Variants in EVC observed in about 807,000 individuals in gnomAD.
EVC encodes evC complex member EVC.
In EVC, 116 loss-of-function variants were observed where a neutral mutation model predicts 118.9. That is an observed-to-expected ratio of 0.98 (90% CI 0.84 to 1.14). The LOEUF is 1.14. Ranked by LOEUF, EVC falls within the 50% of genes most tolerant of loss-of-function variation. EVC has a pLI of 0.00. For missense variants in EVC, 1,401 were observed against 1,246.4 expected, an observed-to-expected ratio of 1.12 and a Z score of -1.87; for synonymous variants, 619 against 534.7, an observed-to-expected ratio of 1.16 and a Z score of -2.18.
chr4:5,734,485 A>C (rs945090341), intron 5 of EVC, among the ~76,000 whole-genome samples: 1 of 152,064 alleles, frequency 6.6e-6, no homozygotes, highest in Non-Finnish European at 1.5e-5. Flanking sequence ...ACCAAAAACA[A>C]AAACAAACAA....
At chr4:5,825,914 G>A in the EVC span, 2,465 of 506,172 alleles carry the variant, frequency 4.9e-3, 19 homozygotes, top group Non-Finnish European at 6.8e-3. The surrounding 1 kb of genome is among the most constrained non-coding windows in gnomAD (Gnocchi z 4.4). Context: ...CACACACCAC[G>A]CACACGCACT....
At chr4:5,721,814 C>T in intron 2 of EVC, among the ~76,000 whole-genome samples, 1 of 152,156 alleles carries the variant, frequency 6.6e-6, no homozygotes, top group East Asian at 1.9e-4. Flanking sequence ...TTGCCATGAG[C>T]TGAGATTGTG....
chr4:5,748,815 A>G (rs1729901816), intron 8 of EVC, among the ~76,000 whole-genome samples: 1 of 151,662 alleles, frequency 6.6e-6, no homozygotes, highest in South Asian at 2.1e-4. Flanking sequence ...CGTCTATCCA[A>G]TGAGTGAAGG....
intron 16 of EVC, 26 bp downstream of exon 16, chr4:5,802,120 C>T (rs760325509): frequency 2.5e-6 from 4 of 1,613,998 alleles, no homozygotes; most frequent in Non-Finnish European, 3.4e-6. Context: ...TCAGGGAAGC[C>T]CCAGAAGAGA....
At position 5,746,021 on chromosome 4, in the gene EVC, GGA is replaced by G. The variant is rs1729310148; in HGVS notation, c.939+681_939+682del. The stretch of plus-strand genomic sequence containing the variant: ...CTTAGGAAAGCCTCCGTAGAAGAAG[GGA>G]CCATGGAGAGGCTGGCCGGGAGAAG... On this transcript the variant is annotated intron_variant, in intron 7 of 20. Coordinates refer to ENST00000264956, the MANE Select transcript of EVC (RefSeq NM_153717.3). This position sits in a 1 kb window ranked among gnomAD's most constrained non-coding sequence, Gnocchi z 5.8. 6.6e-6 allele frequency among the ~76,000 whole-genome samples: 1 copy of G among 152,300 alleles called. No homozygotes were observed. The highest frequency in any genetic ancestry group is 1.9e-4 in the East Asian group (1 of 5,174).
At chr4:5,722,267 T>C (rs78434098) in intron 2 of EVC, among the ~76,000 whole-genome samples, 28,474 of 152,160 alleles carry the variant, frequency 0.19, 3,048 homozygotes, top group South Asian at 0.31. Flanking sequence ...GGGACCTAAA[T>C]ATTTCTACCC....
At chr4:5,821,011 C>A in the EVC span, 12,707 of 152,340 alleles carry the variant, frequency 0.083, 733 homozygotes, top group African/African-American at 0.16. This position sits in a 1 kb window ranked among gnomAD's most constrained non-coding sequence, Gnocchi z 4.4. Flanking sequence ...ATGGGGAGAC[C>A]TCTTTCTGAG....
chr4:5,740,328 G>A (rs1456171281), intron 5 of EVC, among the ~76,000 whole-genome samples: 1 of 151,922 alleles, frequency 6.6e-6, no homozygotes, highest in African/African-American at 2.4e-5. Flanking sequence ...AAAATTAGCC[G>A]GGTGTGGTGG....
chr4:5,740,923 A>G (rs1455458050), intron 5 of EVC, among the ~76,000 whole-genome samples: 1 of 152,250 alleles, frequency 6.6e-6, no homozygotes, highest in Non-Finnish European at 1.5e-5. Context: ...GCTAAAATAA[A>G]AAATAGTGAC....
At chr4:5,739,239 A>G (rs1728155383) in intron 5 of EVC, among the ~76,000 whole-genome samples, 1 of 152,220 alleles carries the variant, frequency 6.6e-6, no homozygotes, top group African/African-American at 2.4e-5. Flanking sequence ...GTAGACTCGA[A>G]ACTAACATCT....
rs756340487 is a variant in EVC, at chr4:5,741,784, A to G, written c.771A>G (p.Leu257=). 2 of 1,544,990 alleles carry G rather than the reference A, an allele frequency of 1.3e-6. No individual in the cohort carries two copies. The highest frequency in any genetic ancestry group is 1.4e-5 in the African/African-American group (1 of 73,836). The part of the protein sequence containing the change: ...LLPKKKSDDE[L]YQKILSKQEK... Reference sequence around the variant, plus strand: ...CTAAAAAGAAGTCAGATGATGAACTATACCAGAAGATCCTTTCAAAACAAG... The same window carrying G: ...CTAAAAAGAAGTCAGATGATGAACTGTACCAGAAGATCCTTTCAAAACAAG... Residue 257 remains leucine (L), a synonymous_variant, in exon 6 of 21, where the codon CTA becomes CTG. Coordinates refer to ENST00000264956, the MANE Select transcript of EVC (RefSeq NM_153717.3).
rs1716866007 is a variant in EVC, at chr4:5,811,210, T to G, written c.*173T>G. ...TGTGCCCTAAAAGCATAAATGAGTA[T>G]CACCTGAGAAAATTAGGCATTCCCG... On this transcript the variant is annotated 3_prime_UTR_variant, in exon 21 of 21. Coordinates refer to ENST00000264956, the MANE Select transcript of EVC (RefSeq NM_153717.3). The G allele has an allele frequency of 1.6e-6, 1 of 619,796 alleles. No individual in the cohort carries two copies. The highest frequency in any genetic ancestry group is 1.8e-5 in the African/African-American group (1 of 54,236). The allele number at this position is 619,796 out of a possible 1,614,324, so 38.4% of individuals were successfully genotyped here. A position where few individuals can be genotyped will look rare whatever the true frequency, so the allele number is the denominator to read the frequency against.
At position 5,797,030 on chromosome 4, in the gene EVC, G is replaced by A. The variant is rs535632933; in HGVS notation, c.1895G>A (p.Arg632Gln). ...ACCTGCTTTCCTCAAAGGTCCACGC[G>A]GTGTGTCCTGCAGGGGCATGACCTG... is the stretch of plus-strand genomic sequence containing the variant. ...RLGGLTEEST[R>Q]CVLQGHDLLL... The change falls in exon 14 of 21, where the codon CGG (arginine) becomes CAG (glutamine). Residue 632 changes from arginine (R) to glutamine (Q), a missense_variant. By Grantham distance (43) the Arg-to-Gln change is conservative. Coordinates refer to ENST00000264956, the MANE Select transcript of EVC (RefSeq NM_153717.3). 24 of 1,612,658 alleles carry A rather than the reference G, an allele frequency of 1.5e-5. No homozygotes were observed. Among genetic ancestry groups the A allele is most frequent in the East Asian group, 2.2e-5 (1 of 44,842 alleles).
At position 5,808,428 on chromosome 4, in the gene EVC, C is replaced by T. The variant is rs1049546667; in HGVS notation, c.2688+101C>T. The T allele has an allele frequency of 9.0e-6, 14 of 1,555,790 alleles. No homozygotes were observed. In the South Asian group the frequency reaches 9.2e-5, roughly 10 times the overall value. On this transcript the variant is annotated intron_variant, in intron 18 of 20. Coordinates refer to ENST00000264956, the MANE Select transcript of EVC (RefSeq NM_153717.3). The stretch of plus-strand genomic sequence containing the variant: ...CCACACGTCAGCCATGGGGACTGCA[C>T]TTCCCTGCCTGTGGCATCGTTGACC...
At chr4:5,717,791 A>T (rs1724225211) in intron 1 of EVC, among the ~76,000 whole-genome samples, 1 of 152,076 alleles carries the variant, frequency 6.6e-6, no homozygotes, top group Non-Finnish European at 1.5e-5. Flanking sequence ...TGTCCAAGAG[A>T]CTTTGTCTCC....
intron 5 of EVC, 108 bp from the exon 6 acceptor site, chr4:5,741,608 A>G (rs570436643): frequency 1.5e-6 from 1 of 665,642 alleles, no homozygotes; most frequent in Non-Finnish European, 2.7e-6. Context: ...AGAAGAAAAG[A>G]AGGAGAGAGG....
chr4:5,804,962 G>A (rs894419446), intron 17 of EVC, 121 bp downstream of exon 17: 15 of 857,626 alleles, frequency 1.7e-5, no homozygotes, highest in South Asian at 5.7e-5. Context: ...GGGGGCCATC[G>A]GCCTTCCTCA....
chr4:5,804,686 T>C, intron 16 of EVC, 44 bp from the exon 17 acceptor site: 3 of 1,573,964 alleles, frequency 1.9e-6, no homozygotes, highest in Non-Finnish European at 2.6e-6. Flanking sequence ...GCACAGTGGA[T>C]CCTCCAAACA....
rs548044896 is a variant in EVC at position 5,765,114 on chromosome 4, G to A, written c.1563+8752G>A. 1.3e-4 allele frequency among the ~76,000 whole-genome samples: 15 copies of A among 116,526 alleles called. 3 individuals are homozygous for A. Among genetic ancestry groups the A allele is most frequent in the Middle Eastern group, 4.0e-3 (1 of 250 alleles). 76.4% of individuals were successfully genotyped at this position (116,526 alleles called of 152,430 possible). A position where few individuals can be genotyped will look rare whatever the true frequency, so the allele number is the denominator to read the frequency against. On this transcript the variant is annotated intron_variant, in intron 11 of 20. Coordinates refer to ENST00000264956, the MANE Select transcript of EVC (RefSeq NM_153717.3). ...TTTGGTATGTTGTGTCTTTGTTCTC[G>A]TTGGTTTCAAAGAACATCTTTATTT... is the stretch of plus-strand genomic sequence containing the variant.
Sources: allele counts gnomAD v4.1 joint callset (sites outside exome capture counted in the v4.1 genomes callset), GRCh38; gene constraint gnomAD v4.1.1; non-coding constraint Gnocchi (gnomAD v3.1); transcripts MANE v1.5; gene names NCBI Gene and HGNC (gene_info 2026-07-23, HGNC 2026-07-21).